Variants in ICA1 observed in about 807,000 individuals in gnomAD.
ICA1 encodes the protein islet cell autoantigen 1, also known as 69 kDa islet cell autoantigen.
ICA1 carries 40 observed loss-of-function variants against 71.0 expected under a neutral mutation model. The observed-to-expected ratio is 0.56, with a 90% CI of 0.44 to 0.73. ICA1 has a LOEUF of 0.73. ICA1 is among the 30% of genes least tolerant of loss of function. The pLI, the probability that ICA1 is intolerant of heterozygous loss-of-function variation, is 0.00. For synonymous variants in ICA1, 207 were observed against 209.5 expected, an observed-to-expected ratio of 0.99 and a Z score of 0.10; for missense variants, 578 against 576.5, an observed-to-expected ratio of 1.00 and a Z score of -0.03.
intron 1 of ICA1, among the ~76,000 whole-genome samples, chr7:8,242,641 A>C (rs1225153181): frequency 6.6e-6 from 1 of 152,216 alleles, no homozygotes; most frequent in African/African-American, 2.4e-5. Context: ...TTTTTTGAAA[A>C]GATCAACAAA....
intron 1 of ICA1, among the ~76,000 whole-genome samples, chr7:8,247,065 T>C (rs187327924): frequency 1.9e-4 from 29 of 152,262 alleles, no homozygotes; most frequent in Admixed American, 1.4e-3. Context: ...CATATATGCT[T>C]GCTGTGCTGA....
chr7:8,172,563 A>T (rs1475942317), intron 6 of ICA1, among the ~76,000 whole-genome samples: 1 of 152,156 alleles, frequency 6.6e-6, no homozygotes, highest in Non-Finnish European at 1.5e-5. Context: ...ATCTATAGAG[A>T]TGACTATGAG....
intron 1 of ICA1, among the ~76,000 whole-genome samples, chr7:8,249,223 T>C (rs1366117155): frequency 6.6e-6 from 1 of 152,180 alleles, no homozygotes; most frequent in Non-Finnish European, 1.5e-5. Flanking sequence ...CCACACAGCC[T>C]CTGGGCTGAG....
intron 13 of ICA1, chr7:8,116,661 G>A (rs1396810913): frequency 1.3e-5 from 2 of 152,164 alleles, no homozygotes; most frequent in Non-Finnish European, 2.9e-5. Flanking sequence ...AAGGAAAGCA[G>A]GTGCCTTGTT....
chr7:8,204,133 G>A (rs892199747), intron 6 of ICA1, among the ~76,000 whole-genome samples: 8 of 152,080 alleles, frequency 5.3e-5, no homozygotes, highest in African/African-American at 1.4e-4. Context: ...TCAGAAAAAC[G>A]AGTTCAGAGG....
chr7:8,160,984 A>C (rs996578405), intron 6 of ICA1, among the ~76,000 whole-genome samples: 8 of 152,184 alleles, frequency 5.3e-5, no homozygotes, highest in Admixed American at 1.3e-4. Context: ...TGTGTTGGTC[A>C]TCGGTTGCTC....
At chr7:8,201,273 A>C (rs906539531) in intron 6 of ICA1, among the ~76,000 whole-genome samples, 4 of 152,198 alleles carry the variant, frequency 2.6e-5, no homozygotes, top group African/African-American at 9.7e-5. Context: ...CAAGACAATA[A>C]ACTTGAAACT....
chr7:8,158,802 C>A (rs1322841029), intron 6 of ICA1, 150 bp from the exon 7 acceptor site: 3 of 730,946 alleles, frequency 4.1e-6, no homozygotes, highest in Non-Finnish European at 6.7e-6. Flanking sequence ...TTACAACATC[C>A]ATTCTTTACC....
rs1562698869 is a variant in ICA1 at position 8,152,576 on chromosome 7, C to CACCACTACCACCACCACCATT, written c.804+4539_804+4540insAATGGTGGTGGTGGTAGTGGT. On this transcript the variant is annotated intron_variant, in intron 8 of 13. Transcript: ENST00000402384. ...CCTCCACCACCACCACCACCACCAC[C>CACCACTACCACCACCACCATT]ATCTCCTTCACCACCACTACCCCCA... Among the ~76,000 whole-genome samples the CACCACTACCACCACCACCATT allele has an allele frequency of 6.9e-5, 8 of 115,464 alleles. No individual in the cohort carries two copies. In the South Asian group the frequency reaches 2.1e-3, roughly 30 times the overall value. 75.7% of individuals were successfully genotyped at this position (115,464 alleles called of 152,430 possible). A position where few individuals can be genotyped will look rare whatever the true frequency, so the allele number is the denominator to read the frequency against.
chr7:8,118,757 C>T (rs936275433), intron 13 of ICA1, among the ~76,000 whole-genome samples: 2 of 152,166 alleles, frequency 1.3e-5, no homozygotes, highest in African/African-American at 4.8e-5. Context: ...ACTAAGTGTA[C>T]CCAAGACCCA....
chr7:8,195,028 A>T (rs1463245735), intron 6 of ICA1, among the ~76,000 whole-genome samples: 2 of 152,252 alleles, frequency 1.3e-5, no homozygotes, highest in Non-Finnish European at 2.9e-5. Context: ...AAATTCAACA[A>T]TAAGAAAATA....
chr7:8,243,350 T>C (rs1804706580), intron 1 of ICA1, among the ~76,000 whole-genome samples: 1 of 152,172 alleles, frequency 6.6e-6, no homozygotes, highest in Non-Finnish European at 1.5e-5. Context: ...GAAAAGGCCT[T>C]TGACAAAATT....
chr7:8,210,089 G>A (rs1222291193), intron 6 of ICA1, among the ~76,000 whole-genome samples: 1 of 152,204 alleles, frequency 6.6e-6, no homozygotes, highest in Non-Finnish European at 1.5e-5. Context: ...AGAAAGACAT[G>A]ATCACTTTAT....
chr7:8,224,251 C>T (rs7784090), intron 4 of ICA1, among the ~76,000 whole-genome samples: 16,229 of 152,056 alleles, frequency 0.11, 2,229 homozygotes, highest in African/African-American at 0.32. Flanking sequence ...ATGACGATAG[C>T]CTTGGGACTA....
chr7:8,156,810 C>T, intron 8 of ICA1: 2 of 1,472,906 alleles, frequency 1.4e-6, no homozygotes, highest in Non-Finnish European at 1.8e-6. Context: ...GGAGCAGGAC[C>T]AATCATTAGA....
In ICA1 at chr7:8,226,340, CTAGATA is replaced by C. The variant is rs199854454; in HGVS notation, c.256+2255_256+2260del. ...TTTGCACAATGAGCAGGCTTGCTCTCTAGATATAGATATAGATATAGATGGTAAAAT... is the reference window on the plus strand; with the variant it reads ...TTTGCACAATGAGCAGGCTTGCTCTCTAGATATAGATATAGATGGTAAAAT... On this transcript the variant is annotated intron_variant, in intron 4 of 13. Coordinates refer to ENST00000402384, the MANE Select transcript of ICA1 (RefSeq NM_001136020.3). The surrounding 1 kb of genome is among the most constrained non-coding windows in gnomAD (Gnocchi z 4.4). Among the ~76,000 whole-genome samples the C allele has an allele frequency of 3.9e-5, 6 of 151,932 alleles. No homozygotes were observed. Among genetic ancestry groups the C allele is most frequent in the South Asian group, 2.1e-4 (1 of 4,820 alleles).
intron 13 of ICA1, chr7:8,114,263 C>T: frequency 1.8e-6 from 1 of 553,470 alleles, no homozygotes; most frequent in Non-Finnish European, 3.2e-6. Flanking sequence ...GAATAACAAG[C>T]TCTTGTGTTA....
At chr7:8,218,253 T>G (rs1795977731) in intron 6 of ICA1, 52 bp downstream of exon 6, 20 of 1,501,432 alleles carry the variant, frequency 1.3e-5, no homozygotes, top group Non-Finnish European at 1.9e-5. Flanking sequence ...AAATCACACC[T>G]CATTACCTTC....
At chr7:8,203,945 C>T (rs537059024) in intron 6 of ICA1, among the ~76,000 whole-genome samples, 1 of 152,200 alleles carries the variant, frequency 6.6e-6, no homozygotes, top group African/African-American at 2.4e-5. Flanking sequence ...CCAAGGAATT[C>T]AGGCTCTAGA....
Sources: allele counts gnomAD v4.1 joint callset (sites outside exome capture counted in the v4.1 genomes callset), GRCh38; gene constraint gnomAD v4.1.1; non-coding constraint Gnocchi (gnomAD v3.1); transcripts MANE v1.5; gene names NCBI Gene and HGNC (gene_info 2026-07-23, HGNC 2026-07-21).